The following RIT2 variants were observed in gnomAD, a reference collection of about 807,000 sequenced individuals.
The protein encoded by RIT2 is Ras like without CAAX 2.
In RIT2, 24 loss-of-function variants were observed where a neutral mutation model predicts 23.7. The observed-to-expected ratio is 1.01, with a 90% confidence interval of 0.73 to 1.43. The LOEUF is 1.43. RIT2 is among the 40% of genes most tolerant of loss of function. RIT2 has a pLI of 0.00. For synonymous variants in RIT2, 107 were observed against 91.1 expected, an observed-to-expected ratio of 1.17 and a Z score of -0.99; for missense variants, 236 against 266.9, an observed-to-expected ratio of 0.88 and a Z score of 0.81.
intron 4 of RIT2, among the ~76,000 whole-genome samples, chr18:42,798,974 C>G (rs1018919709): frequency 6.6e-6 from 1 of 152,164 alleles, no homozygotes; most frequent in African/African-American, 2.4e-5. Flanking sequence ...GGAACTGCAG[C>G]CAGTCTCATT....
At chr18:43,072,719 G>T (rs1027561500) in intron 1 of RIT2, among the ~76,000 whole-genome samples, 2 of 151,988 alleles carry the variant, frequency 1.3e-5, no homozygotes, top group African/African-American at 2.4e-5. Context: ...CATTTCATCT[G>T]CCTGTTCTGA....
chr18:42,990,008 T>C (rs1910802648), intron 2 of RIT2, among the ~76,000 whole-genome samples: 2 of 60,344 alleles, frequency 3.3e-5, no homozygotes, highest in Non-Finnish European at 8.1e-5. Flanking sequence ...TATTTACAGA[T>C]ATGTGTGTGT....
chr18:42,924,040 AT>A (rs1179886815), intron 3 of RIT2, among the ~76,000 whole-genome samples: 1 of 152,028 alleles, frequency 6.6e-6, no homozygotes, highest in Non-Finnish European at 1.5e-5. Context: ...TAATCATTAA[AT>A]TTATTTGAAC....
intron 4 of RIT2, among the ~76,000 whole-genome samples, chr18:42,769,629 T>C (rs1448945921): frequency 3.3e-5 from 5 of 151,906 alleles, no homozygotes; most frequent in Admixed American, 3.3e-4. Flanking sequence ...ACACCAGAAA[T>C]TGGTGAGCAG....
At chr18:42,951,530 C>G (rs907437876) in intron 3 of RIT2, among the ~76,000 whole-genome samples, 52 of 151,774 alleles carry the variant, frequency 3.4e-4, no homozygotes, top group African/African-American at 1.2e-3. Flanking sequence ...CAGCATCACA[C>G]AATATACCCA....
At chr18:42,853,755 T>A (rs889282456) in intron 4 of RIT2, among the ~76,000 whole-genome samples, 2 of 152,340 alleles carry the variant, frequency 1.3e-5, no homozygotes, top group Admixed American at 1.3e-4. Flanking sequence ...AGTAATTGTA[T>A]GGATTTTCCA....
intron 1 of RIT2, among the ~76,000 whole-genome samples, chr18:43,071,661 A>T (rs62092704): frequency 0.098 from 14,923 of 152,204 alleles, 787 homozygotes; most frequent in East Asian, 0.19. Flanking sequence ...CTCTTCTGAG[A>T]TCTTATCCAA....
intron 1 of RIT2, among the ~76,000 whole-genome samples, chr18:43,048,734 A>G (rs996878952): frequency 6.6e-6 from 1 of 152,142 alleles, no homozygotes. Flanking sequence ...TATCTAGCTA[A>G]AATATGATGT....
chr18:42,873,386 G>A lies in RIT2; in HGVS notation c.426+50186C>T, dbSNP rs190022347. The stretch of plus-strand genomic sequence containing the variant: ...AGGTTCATATTATTAGTTCCCCTCC[G>A]AGTAGAAAAATGCTGATCACATAAA... On this transcript the variant is annotated intron_variant, in intron 4 of 4. Coordinates refer to ENST00000326695, the MANE Select transcript of RIT2 (RefSeq NM_002930.4). 9.2e-5 allele frequency among the ~76,000 whole-genome samples: 14 copies of A among 152,036 alleles called. No homozygotes were observed. In the East Asian group the frequency reaches 1.4e-3, roughly 15 times the overall value.
intron 4 of RIT2, among the ~76,000 whole-genome samples, chr18:42,750,518 C>T (rs1913021020): frequency 6.6e-6 from 1 of 151,714 alleles, no homozygotes; most frequent in South Asian, 2.1e-4. Context: ...ATTTTGTCCT[C>T]CAGTATAGTA....
intron 2 of RIT2, among the ~76,000 whole-genome samples, chr18:43,007,878 A>C (rs974982205): frequency 6.6e-6 from 1 of 151,744 alleles, no homozygotes; most frequent in Non-Finnish European, 1.5e-5. Flanking sequence ...TGGTCATTTC[A>C]TTTTATAAAA....
At chr18:42,839,202 G>A (rs1381026181) in intron 4 of RIT2, among the ~76,000 whole-genome samples, 1 of 152,130 alleles carries the variant, frequency 6.6e-6, no homozygotes, top group East Asian at 1.9e-4. Flanking sequence ...ACCTCCATTA[G>A]AGGGCCATTT....
At chr18:42,832,430 T>C (rs563842668) in intron 4 of RIT2, among the ~76,000 whole-genome samples, 3 of 152,202 alleles carry the variant, frequency 2.0e-5, no homozygotes, top group African/African-American at 7.2e-5. Flanking sequence ...TTTTTCTTCT[T>C]AGATTATTTC....
chr18:43,055,813 A>T (rs530730473), intron 1 of RIT2, among the ~76,000 whole-genome samples: 2 of 152,206 alleles, frequency 1.3e-5, no homozygotes, highest in South Asian at 4.1e-4. Context: ...AAGGAACATA[A>T]AACTTCAGAG....
chr18:43,042,883 A>C (rs1912161031), intron 1 of RIT2, among the ~76,000 whole-genome samples: 1 of 152,200 alleles, frequency 6.6e-6, no homozygotes, highest in African/African-American at 2.4e-5. Context: ...TAAAATAAAC[A>C]TTTATTATGG....
At chr18:42,821,471 G>A (rs1906146766) in intron 4 of RIT2, among the ~76,000 whole-genome samples, 1 of 152,024 alleles carries the variant, frequency 6.6e-6, no homozygotes, top group Admixed American at 6.6e-5. Flanking sequence ...TTGTCCACCA[G>A]GGGTAATTTT....
intron 3 of RIT2, among the ~76,000 whole-genome samples, chr18:42,937,039 T>G (rs1373977675): frequency 1.3e-5 from 2 of 149,534 alleles, no homozygotes; most frequent in Non-Finnish European, 3.0e-5. Context: ...AGAGAGAGAA[T>G]GTGACTTGAG....
At chr18:43,002,660 T>C (rs1911134419) in intron 2 of RIT2, among the ~76,000 whole-genome samples, 1 of 151,814 alleles carries the variant, frequency 6.6e-6, no homozygotes, top group Non-Finnish European at 1.5e-5. Flanking sequence ...GAGGAAGAAA[T>C]CTGATACATT....
chr18:43,023,801 T>C (rs1156596219), intron 2 of RIT2, among the ~76,000 whole-genome samples: 2 of 151,478 alleles, frequency 1.3e-5, no homozygotes, highest in African/African-American at 4.9e-5. Flanking sequence ...AGAAAAAGAA[T>C]AGAAGAGAGT....
Sources: allele counts gnomAD v4.1 joint callset (sites outside exome capture counted in the v4.1 genomes callset), GRCh38; gene constraint gnomAD v4.1.1; transcripts MANE v1.5; gene names NCBI Gene and HGNC (gene_info 2026-07-23, HGNC 2026-07-21).